CHDH: variants seen among roughly 807,000 people sequenced by gnomAD.
The protein encoded by CHDH is choline dehydrogenase, mitochondrial.
In CHDH, 43 loss-of-function variants were observed where a neutral mutation model predicts 56.9. The observed-to-expected ratio is 0.76, with a 90% CI of 0.59 to 0.97. The LOEUF (loss-of-function observed/expected upper bound fraction) is 0.97. Among genes scored for constraint, CHDH ranks in the 50% least tolerant of loss-of-function variants. The pLI, the probability that CHDH is intolerant of heterozygous loss-of-function variation, is 0.00. For missense variants in CHDH, 816 were observed against 821.1 expected, an observed-to-expected ratio of 0.99 and a Z score of 0.08; for synonymous variants, 364 against 348.5, an observed-to-expected ratio of 1.04 and a Z score of -0.50.
At chr3:53,835,945 A>G (rs1449832166) in intron 2 of CHDH, among the ~76,000 whole-genome samples, 1 of 152,188 alleles carries the variant, frequency 6.6e-6, no homozygotes, top group Non-Finnish European at 1.5e-5. Context: ...CCAGCCAACA[A>G]AGCCACATCA....
chr3:53,823,381 C>A lies in CHDH; in HGVS notation c.628G>T (p.Gly210Cys). 6.2e-7 allele frequency: 1 copy of A among 1,605,146 alleles called. No individual in the cohort carries two copies. The highest frequency in any genetic ancestry group is 8.5e-7 in the Non-Finnish European group (1 of 1,175,368). The change falls in exon 3 of 9, where the codon GGC becomes TGC. Residue 210 changes from glycine (G) to cysteine (C), a missense_variant. Gly to Cys is a radical substitution (Grantham distance 159). Transcript: ENST00000315251. ...CAFLEATQQA[G>C]YPLTEDMNGF... Reference sequence around the variant, plus strand: ...TTCATGTCCTCGGTGAGCGGGTAGCCGGCCTGCTGCGTGGCCTCCAGGAAT... The same window carrying A: ...TTCATGTCCTCGGTGAGCGGGTAGCAGGCCTGCTGCGTGGCCTCCAGGAAT...
intron 2 of CHDH, among the ~76,000 whole-genome samples, chr3:53,837,930 C>T (rs968703939): frequency 1.3e-5 from 2 of 152,036 alleles, no homozygotes; most frequent in East Asian, 1.9e-4. Context: ...TGGTGGCACA[C>T]GCCTTGTAGT....
Position 53,819,713 on chromosome 3 carries a change from G to T in CHDH, c.1121-39C>A, listed in dbSNP as rs375682171. 2.0e-4 allele frequency: 299 copies of T among 1,519,360 alleles called. No homozygotes were observed. The highest frequency in any genetic ancestry group is 2.6e-4 in the Non-Finnish European group (293 of 1,132,334). 94.1% of individuals were successfully genotyped at this position (1,519,360 alleles called of 1,614,324 possible). On this transcript the variant is annotated intron_variant, in intron 6 of 8. Transcript: ENST00000315251. This position sits in a 1 kb window ranked among gnomAD's most constrained non-coding sequence, Gnocchi z 5.4. ...GAGGATGAGGCAGAAGAGCCAGTCA[G>T]GCCGTGGCAGGTGGGCCGGCTGCTC...
chr3:53,832,327 T>A (rs376919048), intron 2 of CHDH, among the ~76,000 whole-genome samples: 1 of 151,902 alleles, frequency 6.6e-6, no homozygotes, highest in Non-Finnish European at 1.5e-5. Flanking sequence ...GTCAGGAGAT[T>A]AAGACCATCC....
At chr3:53,829,756 T>C (rs1480501642) in intron 2 of CHDH, among the ~76,000 whole-genome samples, 2 of 152,186 alleles carry the variant, frequency 1.3e-5, no homozygotes, top group Non-Finnish European at 2.9e-5. Context: ...ATTCTCACCT[T>C]GACTCCACTC....
In CHDH at chr3:53,846,119, C is replaced by CGGAGCGGGA. The variant is rs1291332879; in HGVS notation, c.-176_-168dup. ...CGGCCGAGAGCCCGACAGTCGGGAC[C>CGGAGCGGGA]GGAGCGGGAGGAGCGGGTGGCCGCG... On this transcript the variant is annotated 5_prime_UTR_variant, in exon 1 of 9. Transcript: ENST00000315251. 6.5e-6 allele frequency: 1 copy of CGGAGCGGGA among 152,932 alleles called. No individual in the cohort carries two copies. Among genetic ancestry groups the CGGAGCGGGA allele is most frequent in the African/African-American group, 2.4e-5 (1 of 41,458 alleles). 9.5% of individuals were successfully genotyped at this position (152,932 alleles called of 1,614,324 possible). A position where few individuals can be genotyped will look rare whatever the true frequency, so the allele number is the denominator to read the frequency against.
intron 2 of CHDH, among the ~76,000 whole-genome samples, chr3:53,828,043 C>T (rs2095642047): frequency 6.6e-6 from 1 of 152,030 alleles, no homozygotes; most frequent in Non-Finnish European, 1.5e-5. Context: ...ATCAATGGAA[C>T]AGAACAGAGA....
At chr3:53,826,048 A>AGAT (rs2095638483) in intron 2 of CHDH, among the ~76,000 whole-genome samples, 1 of 152,144 alleles carries the variant, frequency 6.6e-6, no homozygotes, top group African/African-American at 2.4e-5. Flanking sequence ...ATTCCTTGAA[A>AGAT]GATACAAGCT....
intron 2 of CHDH, among the ~76,000 whole-genome samples, chr3:53,839,242 C>T (rs994079156): frequency 2.0e-5 from 3 of 152,212 alleles, no homozygotes; most frequent in South Asian, 2.1e-4. Flanking sequence ...AAAGTTCAAA[C>T]CTGAATCTGA....
intron 2 of CHDH, among the ~76,000 whole-genome samples, chr3:53,834,602 T>C (rs1243802122): frequency 6.6e-6 from 1 of 152,220 alleles, no homozygotes; most frequent in Non-Finnish European, 1.5e-5. Context: ...TAGAGTGAAG[T>C]TGCAAAAGGA....
Position 53,817,629 on chromosome 3 carries a change from A to G in CHDH, c.*148T>C. 3 of 654,430 alleles carry G rather than the reference A, an allele frequency of 4.6e-6. No homozygotes were observed. Among genetic ancestry groups the G allele is most frequent in the Non-Finnish European group, 7.7e-6 (3 of 387,882 alleles). The allele number at this position is 654,430 out of a possible 1,614,324, so 40.5% of individuals were successfully genotyped here. On this transcript the variant is annotated 3_prime_UTR_variant, in exon 9 of 9. Transcript: ENST00000315251. ...CCCAGTACTTGTCTCATTTCCCAAG[A>G]CTTTATCCAATTCTCAGCCACTGAG...
In CHDH at chr3:53,823,709, G is replaced by A. The variant is rs79257761; in HGVS notation, c.300C>T (p.Asp100=). The change falls in exon 3 of 9, where the codon GAC becomes GAT. Residue 100 remains aspartate, a synonymous_variant. Transcript: ENST00000315251. ...MPAALVANLC[D]DRYNWCYHTE... is the part of the protein sequence containing the mutation. ...TGTGGTAGCACCAGTTGTACCTGTC[G>A]TCGCACAGGTTGGCCACCAGGGCCG... The A allele has an allele frequency of 5.1e-4, 793 of 1,550,788 alleles. 6 individuals carry two copies. In the African/African-American group the frequency reaches 8.5e-3, roughly 17 times the overall value.
At position 53,822,569 on chromosome 3, in the gene CHDH, C is replaced by T. The variant is rs770027439; in HGVS notation, c.777G>A (p.Glu259=). The T allele has an allele frequency of 1.2e-6, 2 of 1,613,136 alleles. No homozygotes were observed. Among genetic ancestry groups the T allele is most frequent in the African/African-American group, 1.3e-5 (1 of 74,946 alleles). The change falls in exon 4 of 9, where the codon GAG becomes GAA. Residue 259 remains glutamate (E), a synonymous_variant. Transcript: ENST00000315251. ...LSRTNLKAEA[E]TLVSRVLFEG... is the part of the protein sequence containing the mutation. ...CAAATAGCACCCTGCTCACAAGCGT[C>T]TCGGCCTCGGCCTTGAGGTTGGTGC...
chr3:53,816,744 T>A lies in CHDH; in HGVS notation c.*1033A>T, dbSNP rs1328612133. ...TGCATTTCTTGGTAAAAGGAAAACC[T>A]TTTAAAATGCTAAGTCATAAAACCT... On this transcript the variant is annotated 3_prime_UTR_variant, in exon 9 of 9. Coordinates refer to ENST00000315251, the MANE Select transcript of CHDH (RefSeq NM_018397.5). 6.6e-6 allele frequency: 1 copy of A among 152,174 alleles called. No individual in the cohort carries two copies. The highest frequency in any genetic ancestry group is 2.4e-5 in the African/African-American group (1 of 41,432). The allele number at this position is 152,174 out of a possible 1,614,324, so 9.4% of individuals were successfully genotyped here.
At chr3:53,835,596 G>C (rs1470115506) in intron 2 of CHDH, among the ~76,000 whole-genome samples, 8 of 152,238 alleles carry the variant, frequency 5.3e-5, no homozygotes, top group Non-Finnish European at 1.2e-4. Context: ...TACTGGCTTT[G>C]ACCTGCAATC....
At chr3:53,820,384 C>T in intron 6 of CHDH, 90 bp downstream of exon 6, 1 of 1,456,320 alleles carries the variant, frequency 6.9e-7, no homozygotes, top group Non-Finnish European at 9.2e-7. Flanking sequence ...GCATCAAACC[C>T]AGTGGCCAGA....
intron 2 of CHDH, among the ~76,000 whole-genome samples, chr3:53,835,578 C>A (rs1182753958): frequency 6.6e-6 from 1 of 152,194 alleles, no homozygotes; most frequent in Non-Finnish European, 1.5e-5. Context: ...TTCCATCTGG[C>A]CTTCTAGTAC....
intron 2 of CHDH, among the ~76,000 whole-genome samples, chr3:53,826,355 C>T (rs1423018461): frequency 6.7e-6 from 1 of 149,556 alleles, no homozygotes; most frequent in African/African-American, 2.5e-5. Flanking sequence ...CTTTCATGAA[C>T]ATAGATAAAA....
At chr3:53,839,202 G>A (rs1005277081) in intron 2 of CHDH, among the ~76,000 whole-genome samples, 2 of 152,208 alleles carry the variant, frequency 1.3e-5, no homozygotes, top group Non-Finnish European at 2.9e-5. Flanking sequence ...ACGGGAGAAT[G>A]CAATACCACC....
Sources: gnomAD v4.1 joint callset for allele counts (sites outside exome capture counted in the v4.1 genomes callset) on GRCh38, gnomAD v4.1.1 for gene constraint, Gnocchi (gnomAD v3.1) non-coding constraint, MANE v1.5 for transcripts, NCBI Gene and HGNC (gene_info 2026-07-23, HGNC 2026-07-21) for gene names.